Variants in POU2F2 observed in about 807,000 individuals in gnomAD.
POU2F2 encodes the protein POU domain, class 2, transcription factor 2.
POU2F2 carries 14 observed loss-of-function variants against 63.5 expected under a neutral mutation model. That is an observed-to-expected ratio of 0.22 (90% CI 0.15 to 0.34). The LOEUF is 0.34. Among genes scored for constraint, POU2F2 ranks in the 10% least tolerant of loss-of-function variants. The pLI, the probability that POU2F2 is intolerant of heterozygous loss-of-function variation, is 1.00. For synonymous variants in POU2F2, 306 were observed against 348.6 expected (o/e 0.88, Z 1.36); for missense variants, 607 against 815.2 (o/e 0.74, Z 3.11).
At position 42,148,000 on chromosome 19, in the gene POU2F2, G is replaced by A. The variant is rs569142423; in HGVS notation, c.-9+12332C>T. ...GTCATGGTGAGTCCATGGAAGAGCC[G>A]GGATTTGTACCCCTCACACTGAGGC... is the stretch of plus-strand genomic sequence containing the variant. On this transcript the variant is annotated intron_variant, in intron 2 of 6. Transcript: ENST00000524801. 7.2e-5 allele frequency among the ~76,000 whole-genome samples: 11 copies of A among 152,226 alleles called. No homozygotes were observed. In the South Asian group the frequency reaches 1.7e-3, roughly 23 times the overall value.
upstream of POU2F2, among the ~76,000 whole-genome samples, chr19:42,178,657 GA>G (rs2034925391): frequency 6.6e-6 from 1 of 152,144 alleles, no homozygotes; most frequent in Non-Finnish European, 1.5e-5. Context: ...CTGAGACAGA[GA>G]AAAAGGCACA....
chr19:42,140,046 A>T (rs539830748), intron 2 of POU2F2, among the ~76,000 whole-genome samples: 5 of 152,280 alleles, frequency 3.3e-5, no homozygotes, highest in East Asian at 1.9e-4. Context: ...CTGCTCCTCA[A>T]CCTGGCTTGT....
chr19:42,182,714 C>T (rs187384400), intron 1 of POU2F2, among the ~76,000 whole-genome samples: 3 of 152,124 alleles, frequency 2.0e-5, no homozygotes, highest in Admixed American at 6.5e-5. Flanking sequence ...TAGAAGGGGC[C>T]CAGAGACAGG....
upstream of POU2F2, among the ~76,000 whole-genome samples, chr19:42,134,836 G>A (rs1006481166): frequency 6.6e-6 from 1 of 152,108 alleles, no homozygotes; most frequent in Non-Finnish European, 1.5e-5. Flanking sequence ...TCGCCGGATC[G>A]ATACGTTTGA....
intron 5 of POU2F2, among the ~76,000 whole-genome samples, chr19:42,101,895 TGAAGC>T (rs1320648409): frequency 1.3e-5 from 2 of 151,404 alleles, no homozygotes; most frequent in East Asian, 3.9e-4. Context: ...GAGAATCGCT[TGAAGC>T]CGGGAGGCGG....
chr19:42,100,747 T>C (rs1458329757), intron 5 of POU2F2, among the ~76,000 whole-genome samples: 2 of 151,558 alleles, frequency 1.3e-5, no homozygotes, highest in Non-Finnish European at 2.9e-5. Flanking sequence ...CAAGACTCTG[T>C]CTCAAAAATA....
chr19:42,098,767 TA>T (rs759470941), intron 7 of POU2F2, among the ~76,000 whole-genome samples: 2 of 152,282 alleles, frequency 1.3e-5, no homozygotes, highest in Admixed American at 6.5e-5. Context: ...TAAAGGGCTA[TA>T]AAAAATGGGT....
intron 1 of POU2F2, among the ~76,000 whole-genome samples, chr19:42,192,995 C>T (rs920220540): frequency 1.3e-5 from 2 of 150,954 alleles, no homozygotes; most frequent in East Asian, 1.9e-4. Flanking sequence ...CTGAGGCGGG[C>T]GGATCACGAA....
At position 42,095,997 on chromosome 19, in the gene POU2F2, C is replaced by A; in HGVS notation, c.730-68G>T. ...CCTTCCGGCACTGGGCCCGCTCCGC[C>A]CGCCCACTGGCCACGCCCCTCGCGG... On this transcript the variant is annotated intron_variant, in intron 8 of 14. Coordinates refer to ENST00000692977, the MANE Select transcript of POU2F2 (RefSeq NM_001394376.1). The surrounding 1 kb of genome is among the most constrained non-coding windows in gnomAD (Gnocchi z 7.1). The A allele has an allele frequency of 6.2e-7, 1 of 1,600,326 alleles. No homozygotes were observed. Among genetic ancestry groups the A allele is most frequent in the Non-Finnish European group, 8.5e-7 (1 of 1,174,108 alleles).
chr19:42,191,570 T>C (rs2146827223), intron 1 of POU2F2, among the ~76,000 whole-genome samples: 1 of 152,330 alleles, frequency 6.6e-6, no homozygotes, highest in African/African-American at 2.4e-5. Flanking sequence ...TGTTTCCTGC[T>C]GGGACCTTGA....
chr19:42,196,576 G>A (rs922405334), exon 1 of POU2F2: 6 of 152,356 alleles, frequency 3.9e-5, no homozygotes, highest in African/African-American at 1.2e-4. Context: ...CATCTCCCAT[G>A]GGCTCCGATC....
chr19:42,100,742 C>G (rs1401094015), intron 5 of POU2F2, among the ~76,000 whole-genome samples: 1 of 151,950 alleles, frequency 6.6e-6, no homozygotes, highest in Non-Finnish European at 1.5e-5. Context: ...CAGAGCAAGA[C>G]TCTGTCTCAA....
rs1450516698 is a variant in POU2F2 at position 42,152,731 on chromosome 19, G to A, written c.-9+7601C>T. On this transcript the variant is annotated intron_variant, in intron 2 of 6. Transcript: ENST00000524801. The surrounding 1 kb of genome is among the most constrained non-coding windows in gnomAD (Gnocchi z 4.1). Reference sequence around the variant, plus strand: ...GGTGAGTATGGGAGTGGGCAAGGAAGCAGATGGGGATGGGGGCCATAGTTT... The same window carrying A: ...GGTGAGTATGGGAGTGGGCAAGGAAACAGATGGGGATGGGGGCCATAGTTT... 6.6e-6 allele frequency: 1 copy of A among 152,298 alleles called. No homozygotes were observed. Among genetic ancestry groups the A allele is most frequent in the East Asian group, 1.9e-4 (1 of 5,192 alleles). 9.4% of individuals were successfully genotyped at this position (152,298 alleles called of 1,614,324 possible). A position where few individuals can be genotyped will look rare whatever the true frequency, so the allele number is the denominator to read the frequency against.
At chr19:42,163,297 G>A (rs1307670115) in intron 1 of POU2F2, among the ~76,000 whole-genome samples, 1 of 152,038 alleles carries the variant, frequency 6.6e-6, no homozygotes, top group Non-Finnish European at 1.5e-5. Context: ...AGAACAGGAG[G>A]GAGTGTGTGG....
intron 2 of POU2F2, among the ~76,000 whole-genome samples, chr19:42,158,654 G>A (rs2034500075): frequency 6.6e-6 from 1 of 152,138 alleles, no homozygotes; most frequent in Non-Finnish European, 1.5e-5. Flanking sequence ...TACCAGCCCT[G>A]TTACGTGTTA....
chr19:42,094,445 C>T (rs1387178063), intron 11 of POU2F2, among the ~76,000 whole-genome samples: 1 of 152,196 alleles, frequency 6.6e-6, no homozygotes, highest in African/African-American at 2.4e-5. Flanking sequence ...CACCTCCAGT[C>T]TCACCTTTGC....
At chr19:42,186,051 G>A (rs557071477) in intron 1 of POU2F2, among the ~76,000 whole-genome samples, 6 of 152,150 alleles carry the variant, frequency 3.9e-5, no homozygotes, top group South Asian at 2.1e-4. Flanking sequence ...AACTACACCC[G>A]GCATTTTCTT....
chr19:42,134,225 C>A (rs937260037), upstream of POU2F2, among the ~76,000 whole-genome samples: 72 of 150,402 alleles, frequency 4.8e-4, no homozygotes, highest in African/African-American at 1.6e-3. Flanking sequence ...TGGGGGGGGG[C>A]AAAACCTCAC....
rs575348082 is a variant in POU2F2 at position 42,113,789 on chromosome 19, A to G, written c.369+3461T>C. On this transcript the variant is annotated intron_variant, in intron 5 of 14. Coordinates refer to ENST00000692977, the MANE Select transcript of POU2F2 (RefSeq NM_001394376.1). ...ACTGCAGGATCAGAGCTTAGCAGGC[A>G]TGAGAAGTGGACTGGGGGGTGGAGG... Among the ~76,000 whole-genome samples, 3 of 152,294 alleles carry G rather than the reference A, an allele frequency of 2.0e-5. No individual in the cohort carries two copies. In the East Asian group the frequency reaches 5.8e-4, roughly 29 times the overall value.
Sources: allele counts gnomAD v4.1 joint callset (sites outside exome capture counted in the v4.1 genomes callset), GRCh38; gene constraint gnomAD v4.1.1; non-coding constraint Gnocchi (gnomAD v3.1); transcripts MANE v1.5; gene names NCBI Gene and HGNC (gene_info 2026-07-23, HGNC 2026-07-21).